The following RPL11 variants were observed in gnomAD, a reference collection of about 807,000 sequenced individuals.
RPL11 encodes the protein ribosomal protein L11, also known as large ribosomal subunit protein uL5.
In RPL11, 3 loss-of-function variants were observed where a neutral mutation model predicts 24.1. The observed-to-expected ratio is 0.12, with a 90% confidence interval of 0.06 to 0.32. RPL11 has a LOEUF of 0.32. RPL11 is among the 10% of genes least tolerant of loss of function. RPL11 has a pLI of 1.00. For missense variants in RPL11, 146 were observed against 225.7 expected (o/e 0.65, Z 2.26); for synonymous variants, 96 against 75.7 (o/e 1.27, Z -1.39).
Position 23,693,907 on chromosome 1 carries a change from T to A in RPL11, c.258T>A (p.Gly86=). 6.2e-7 allele frequency: 1 copy of A among 1,613,554 alleles called. No homozygotes were observed. Among genetic ancestry groups the A allele is most frequent in the Non-Finnish European group, 8.5e-7 (1 of 1,179,464 alleles). ...GAKAEEILEK[G]LKVREYELRK... is the part of the protein sequence containing the mutation. The stretch of plus-strand genomic sequence containing the variant: ...AGGCAGAAGAAATCTTGGAGAAGGG[T>A]CTAAAGGTGAGCCTAATCCCCTAAT... Residue 86 remains glycine (G), a synonymous_variant, in exon 3 of 6, where the codon GGT becomes GGA. Coordinates refer to ENST00000643754, the MANE Select transcript of RPL11 (RefSeq NM_000975.5).
At chr1:23,695,294 C>T (rs1197206691) in intron 4 of RPL11, 2 of 278,624 alleles carry the variant, frequency 7.2e-6, no homozygotes, top group South Asian at 8.1e-5. Flanking sequence ...ATCAGAAGTC[C>T]TGACTAGTGT....
rs369905301 is a variant in RPL11 at position 23,691,845 on chromosome 1, C to T, written c.6+16C>T. On this transcript the variant is annotated intron_variant, in intron 1 of 5. Transcript: ENST00000643754. ...CATCATGGCGGTGAGTAGCTGGGAC[C>T]TGGATTTGCTTTCCTTTATCCGTCG... The T allele has an allele frequency of 3.8e-5, 61 of 1,614,114 alleles. No individual in the cohort carries two copies. The highest frequency in any genetic ancestry group is 2.1e-4 in the South Asian group (19 of 91,094).
chr1:23,696,626 A>T lies in RPL11; in HGVS notation c.*253A>T, dbSNP rs953944450. 1.7e-6 allele frequency: 1 copy of T among 575,884 alleles called. No individual in the cohort carries two copies. The highest frequency in any genetic ancestry group is 3.1e-6 in the Non-Finnish European group (1 of 322,786). The allele number at this position is 575,884 out of a possible 1,614,324, so 35.7% of individuals were successfully genotyped here. ...CACCTTGGTTGATGTGCTGTGGTGC[A>T]GTAGCCCCATTTGGAGGGGAGGGTT... On this transcript the variant is annotated 3_prime_UTR_variant, in exon 6 of 6. Coordinates refer to ENST00000643754, the MANE Select transcript of RPL11 (RefSeq NM_000975.5).
Position 23,693,548 on chromosome 1 carries a change from C to G in RPL11, c.158-259C>G, listed in dbSNP as rs192757945. Among the ~76,000 whole-genome samples, 472 of 152,246 alleles carry G rather than the reference C, an allele frequency of 3.1e-3. 6 individuals are homozygous for G. The highest frequency in any genetic ancestry group is 9.5e-3 in the African/African-American group (395 of 41,530). ...CTTCTTCGGCCTATTCTGGTTGTGA[C>G]CTTGCCCTTCCTGGAACTTCGGCGT... On this transcript the variant is annotated intron_variant, in intron 2 of 5. Coordinates refer to ENST00000643754, the MANE Select transcript of RPL11 (RefSeq NM_000975.5).
chr1:23,691,895 G>A (rs1644501879), intron 1 of RPL11, 66 bp downstream of exon 1: 1 of 1,607,644 alleles, frequency 6.2e-7, no homozygotes, highest in Non-Finnish European at 8.5e-7. Context: ...CCGAGCCTGC[G>A]GGGGCTACTT....
rs186200173 is a variant in RPL11, at chr1:23,695,549, A to G, written c.397-249A>G. Reference sequence around the variant, plus strand: ...TTGGGAGCAGTAATGGAGGATCCTCAGCACCACTGGAAAATAGGCTGGGTT... The same window carrying G: ...TTGGGAGCAGTAATGGAGGATCCTCGGCACCACTGGAAAATAGGCTGGGTT... On this transcript the variant is annotated intron_variant, in intron 4 of 5. Coordinates refer to ENST00000643754, the MANE Select transcript of RPL11 (RefSeq NM_000975.5). 3.5e-5 allele frequency: 19 copies of G among 540,394 alleles called. No homozygotes were observed. In the East Asian group the frequency reaches 6.2e-4, roughly 18 times the overall value. 33.5% of individuals were successfully genotyped at this position (540,394 alleles called of 1,614,324 possible).
At position 23,692,602 on chromosome 1, in the gene RPL11, G is replaced by T. The variant is rs1644507793; in HGVS notation, c.7-7G>T. The T allele has an allele frequency of 6.2e-7, 1 of 1,614,044 alleles. No individual in the cohort carries two copies. Among genetic ancestry groups the T allele is most frequent in the Non-Finnish European group, 8.5e-7 (1 of 1,180,008 alleles). ...AGTGTATTGACTGCTGCTCTTCCCT[G>T]TTGCAGCAGGATCAAGGTGAAAAGG... is the stretch of plus-strand genomic sequence containing the variant. On this transcript the variant is annotated splice_region_variant and splice_polypyrimidine_tract_variant and intron_variant, in intron 1 of 5. Transcript: ENST00000643754.
At position 23,691,842 on chromosome 1, in the gene RPL11, G is replaced by C. The variant is rs752637748; in HGVS notation, c.6+13G>C. 11 of 1,614,236 alleles carry C rather than the reference G, an allele frequency of 6.8e-6. No homozygotes were observed. The highest frequency in any genetic ancestry group is 1.6e-4 in the Middle Eastern group (1 of 6,062). ...CTCCATCATGGCGGTGAGTAGCTGG[G>C]ACCTGGATTTGCTTTCCTTTATCCG... On this transcript the variant is annotated intron_variant, in intron 1 of 5. Transcript: ENST00000643754.
Position 23,696,541 on chromosome 1 carries a change from C to A in RPL11, c.*168C>A. 1 of 690,982 alleles carries A rather than the reference C, an allele frequency of 1.4e-6. No homozygotes were observed. Among genetic ancestry groups the A allele is most frequent in the Non-Finnish European group, 2.6e-6 (1 of 384,810 alleles). 42.8% of individuals were successfully genotyped at this position (690,982 alleles called of 1,614,324 possible). A position where few individuals can be genotyped will look rare whatever the true frequency, so the allele number is the denominator to read the frequency against. Reference sequence around the variant, plus strand: ...AACCCCGTCATCCTCTGATTGGATGCCAGTATTTCCTGGCAGATCCAAGTC... The same window carrying A: ...AACCCCGTCATCCTCTGATTGGATGACAGTATTTCCTGGCAGATCCAAGTC... On this transcript the variant is annotated 3_prime_UTR_variant, in exon 6 of 6. Transcript: ENST00000643754.
rs760781404 is a variant in RPL11, at chr1:23,691,823, C to T, written c.-1C>T. 1.2e-6 allele frequency: 2 copies of T among 1,614,278 alleles called. No homozygotes were observed. Among genetic ancestry groups the T allele is most frequent in the South Asian group, 2.2e-5 (2 of 91,090 alleles). On this transcript the variant is annotated 5_prime_UTR_variant, in exon 1 of 6. Coordinates refer to ENST00000643754, the MANE Select transcript of RPL11 (RefSeq NM_000975.5). ...TCCGCTTTCTCTTCCTGCTCTCCAT[C>T]ATGGCGGTGAGTAGCTGGGACCTGG...
In RPL11 at chr1:23,693,857, G is replaced by A; in HGVS notation, c.208G>A (p.Val70Ile). ...CATCCGGAGAAATGAAAAGATTGCTGTCCACTGCACAGTTCGAGGGGCCAA... is the reference window on the plus strand; with the variant it reads ...CATCCGGAGAAATGAAAAGATTGCTATCCACTGCACAGTTCGAGGGGCCAA... Reference protein sequence around the residue: ...FGIRRNEKIAVHCTVRGAKAE... With the variant: ...FGIRRNEKIAIHCTVRGAKAE... The change falls in exon 3 of 6, where the codon GTC becomes ATC. Residue 70 changes from valine to isoleucine, a missense_variant. Physicochemically the swap from Val to Ile is conservative, Grantham distance 29 (BLOSUM62 3). Transcript: ENST00000643754. 1 of 1,614,164 alleles carries A rather than the reference G, an allele frequency of 6.2e-7. No individual in the cohort carries two copies. The highest frequency in any genetic ancestry group is 8.5e-7 in the Non-Finnish European group (1 of 1,180,014).
intron 2 of RPL11, among the ~76,000 whole-genome samples, chr1:23,693,542 T>G (rs978800931): frequency 2.0e-5 from 3 of 152,204 alleles, no homozygotes; most frequent in Non-Finnish European, 4.4e-5. Flanking sequence ...CCTATTCTGG[T>G]TGTGACCTTG....
chr1:23,694,140 C>T (rs1213302398), intron 3 of RPL11, among the ~76,000 whole-genome samples: 1 of 152,040 alleles, frequency 6.6e-6, no homozygotes, highest in African/African-American at 2.4e-5. Context: ...CTTTGGGAGG[C>T]CAAGGCGGTT....
intron 4 of RPL11, 67 bp downstream of exon 4, chr1:23,694,858 G>C: frequency 6.2e-7 from 1 of 1,605,956 alleles, no homozygotes; most frequent in Non-Finnish European, 8.5e-7. Flanking sequence ...TTCATATGTG[G>C]TATGTTGGTG....
At position 23,693,925 on chromosome 1, in the gene RPL11, C is replaced by G. The variant is rs774445335; in HGVS notation, c.264+12C>G. The G allele has an allele frequency of 1.9e-6, 3 of 1,591,160 alleles. No individual in the cohort carries two copies. Among genetic ancestry groups the G allele is most frequent in the Non-Finnish European group, 2.6e-6 (3 of 1,159,090 alleles). On this transcript the variant is annotated intron_variant, in intron 3 of 5. Coordinates refer to ENST00000643754, the MANE Select transcript of RPL11 (RefSeq NM_000975.5). ...AGAAGGGTCTAAAGGTGAGCCTAAT[C>G]CCCTAATGGAGTGATATTGATCAGC... is the stretch of plus-strand genomic sequence containing the variant.
At chr1:23,692,434 A>G (rs1490094407) in intron 1 of RPL11, 175 bp from the exon 2 acceptor site, 3 of 702,834 alleles carry the variant, frequency 4.3e-6, no homozygotes, top group African/African-American at 3.5e-5. Context: ...GAGGAAGGAT[A>G]GGTTCCGAGC....
In RPL11 at chr1:23,694,921, C is replaced by G. The variant is rs1055684051; in HGVS notation, c.396+130C>G. The G allele has an allele frequency of 5.6e-6, 8 of 1,436,296 alleles. No individual in the cohort carries two copies. In the South Asian group the frequency reaches 5.8e-5, roughly 10 times the overall value. 89.0% of individuals were successfully genotyped at this position (1,436,296 alleles called of 1,614,324 possible). A position where few individuals can be genotyped will look rare whatever the true frequency, so the allele number is the denominator to read the frequency against. On this transcript the variant is annotated intron_variant, in intron 4 of 5. Transcript: ENST00000643754. ...ATTGTCTGCCTTTGTGTTCTCCTCC[C>G]CCTTGGGGAAATGTGCCTCATTTGT...
Position 23,694,645 on chromosome 1 carries a change from C to T in RPL11, c.265-15C>T, listed in dbSNP as rs374769720. On this transcript the variant is annotated splice_polypyrimidine_tract_variant and intron_variant, in intron 3 of 5. Transcript: ENST00000643754. ...AAGATGACAAGGAATGTTATTGCTG[C>T]ATTTTTCTCCACAGGTGCGGGAGTA... 1.9e-6 allele frequency: 3 copies of T among 1,613,678 alleles called. No individual in the cohort carries two copies. Among genetic ancestry groups the T allele is most frequent in the Non-Finnish European group, 2.5e-6 (3 of 1,179,778 alleles).
intron 3 of RPL11, among the ~76,000 whole-genome samples, chr1:23,694,391 GAA>G (rs1246715483): frequency 3.3e-5 from 5 of 150,786 alleles, no homozygotes; most frequent in Non-Finnish European, 5.9e-5. Context: ...AAAAAAAAAA[GAA>G]AAAGGATGCT....
Sources: gnomAD v4.1 joint callset for allele counts (sites outside exome capture counted in the v4.1 genomes callset) on GRCh38, gnomAD v4.1.1 for gene constraint, MANE v1.5 for transcripts, NCBI Gene and HGNC (gene_info 2026-07-23, HGNC 2026-07-21) for gene names.